Variants in HDC observed in about 807,000 individuals in gnomAD.
HDC encodes the protein histidine decarboxylase.
In HDC, 27 loss-of-function variants were observed where a neutral mutation model predicts 64.4. The ratio of observed to expected loss-of-function variants is 0.42; its 90% CI spans 0.31 to 0.58. HDC has a LOEUF of 0.58. Ranked by LOEUF, HDC falls within the 20% of genes least tolerant of loss-of-function variation. The probability of loss-of-function intolerance (pLI) is 0.16; values close to 1 mark genes in which losing one functional copy is unlikely to be tolerated. For missense variants in HDC, 711 were observed against 833.9 expected (o/e 0.85, Z 1.81); for synonymous variants, 305 against 314.2 (o/e 0.97, Z 0.31).
In HDC at chr15:50,253,103, C is replaced by T. The variant is rs1362844523; in HGVS notation, c.788-329G>A. The T allele has an allele frequency of 9.2e-6, 4 of 433,770 alleles. No individual in the cohort carries two copies. In the Admixed American group the frequency reaches 1.1e-4, roughly 12 times the overall value. The allele number at this position is 433,770 out of a possible 1,614,324, so 26.9% of individuals were successfully genotyped here. ...AGCACAGAGAGCAATGTCAGTGCAC[C>T]GAATACAAAAGTTAGAGGGAAGGTA... On this transcript the variant is annotated intron_variant, in intron 7 of 11. Coordinates refer to ENST00000267845, the MANE Select transcript of HDC (RefSeq NM_002112.4).
intron 4 of HDC, 123 bp from the exon 5 acceptor site, chr15:50,254,787 T>C (rs1161026147): frequency 1.0e-6 from 1 of 962,914 alleles, no homozygotes; most frequent in African/African-American, 1.6e-5. Context: ...TGTGTGTGTA[T>C]GTGTTTGTGT....
intron 4 of HDC, 78 bp from the exon 5 acceptor site, chr15:50,254,742 CTCTCT>C (rs2140936063): frequency 5.0e-6 from 1 of 199,672 alleles, no homozygotes; most frequent in African/African-American, 5.4e-5. Flanking sequence ...AGTTTTTTCT[CTCTCT>C]CTCTCTCTCT....
intron 7 of HDC, 33 bp from the exon 8 acceptor site, chr15:50,252,807 A>C (rs1481031308): frequency 6.3e-7 from 1 of 1,591,568 alleles, no homozygotes; most frequent in Admixed American, 1.8e-5. Context: ...GCCGGAGGGG[A>C]GGTATGAAGT....
In HDC at chr15:50,243,011, T is replaced by G. The variant is rs750126210; in HGVS notation, c.1243-5A>C. ...TTCTGTGAGACAATTAGGACCCTGT[T>G]TGAAAAATAAAGGAAGTGAAGTCTC... On this transcript the variant is annotated splice_region_variant and splice_polypyrimidine_tract_variant and intron_variant, in intron 11 of 11. Transcript: ENST00000267845. The G allele has an allele frequency of 6.2e-7, 1 of 1,614,102 alleles. No individual in the cohort carries two copies. The highest frequency in any genetic ancestry group is 8.5e-7 in the Non-Finnish European group (1 of 1,180,032).
chr15:50,259,097 GC>G (rs2045670419), intron 2 of HDC, among the ~76,000 whole-genome samples: 1 of 151,954 alleles, frequency 6.6e-6, no homozygotes, highest in Non-Finnish European at 1.5e-5. Flanking sequence ...GGGAGGCTGA[GC>G]TTGCAGTGAG....
At chr15:50,257,300 G>T (rs1327188338) in intron 4 of HDC, 125 bp downstream of exon 4, 6 of 1,149,580 alleles carry the variant, frequency 5.2e-6, no homozygotes, top group Non-Finnish European at 6.5e-6. Flanking sequence ...TGGTGCTGTT[G>T]GTGATGACGG....
intron 10 of HDC, chr15:50,244,646 A>T (rs55828351): frequency 0.083 from 12,559 of 152,036 alleles, 721 homozygotes; most frequent in Non-Finnish European, 0.11. Context: ...AGTTTCTCCA[A>T]ATCTTTCTCA....
chr15:50,255,863 C>G (rs1050410419), intron 4 of HDC, among the ~76,000 whole-genome samples: 1 of 152,130 alleles, frequency 6.6e-6, no homozygotes, highest in African/African-American at 2.4e-5. Flanking sequence ...TTACAAAACA[C>G]TTTCTGGCAT....
chr15:50,256,880 C>A (rs1387430956), intron 4 of HDC, among the ~76,000 whole-genome samples: 5 of 152,160 alleles, frequency 3.3e-5, no homozygotes, highest in Non-Finnish European at 7.3e-5. Context: ...GCAAAAGCAC[C>A]TAACAATGTG....
In HDC at chr15:50,265,561, A is replaced by G. The variant is rs1441204719; in HGVS notation, c.31+32T>C. The G allele has an allele frequency of 3.1e-6, 5 of 1,607,002 alleles. No homozygotes were observed. In the African/African-American group the frequency reaches 6.7e-5, roughly 21 times the overall value. On this transcript the variant is annotated intron_variant, in intron 1 of 11. Transcript: ENST00000267845. The stretch of plus-strand genomic sequence containing the variant: ...CAGCCGTTCCTGCAGGAGTAGCAGC[A>G]GGGAAGAGGGCCAGGGATGCCCGTT...
intron 4 of HDC, among the ~76,000 whole-genome samples, chr15:50,255,059 G>A (rs2045613035): frequency 6.6e-6 from 1 of 152,166 alleles, no homozygotes; most frequent in Non-Finnish European, 1.5e-5. Context: ...GAGTCCCCAG[G>A]AAGAGAGGAT....
intron 4 of HDC, among the ~76,000 whole-genome samples, chr15:50,255,077 T>C (rs1402038091): frequency 6.6e-6 from 1 of 152,202 alleles, no homozygotes; most frequent in African/African-American, 2.4e-5. Flanking sequence ...GATCCTGGCC[T>C]GTGTGAGAGG....
At chr15:50,245,455 AGAT>A (rs1385499157) in intron 10 of HDC, among the ~76,000 whole-genome samples, 3 of 152,156 alleles carry the variant, frequency 2.0e-5, no homozygotes, top group African/African-American at 4.8e-5. Flanking sequence ...ATGAAGAAGG[AGAT>A]GATGAAGAAG....
chr15:50,262,559 C>G (rs539194309), intron 2 of HDC, among the ~76,000 whole-genome samples: 3 of 152,334 alleles, frequency 2.0e-5, no homozygotes, highest in Middle Eastern at 6.8e-3. Flanking sequence ...ATGCATCAGC[C>G]AGCTTCCATC....
intron 9 of HDC, among the ~76,000 whole-genome samples, chr15:50,251,209 A>G (rs1201863338): frequency 6.6e-6 from 1 of 152,272 alleles, no homozygotes. Flanking sequence ...GTAAACAGAA[A>G]GCCAGGACTC....
rs1435718526 is a variant in HDC, at chr15:50,257,416, G to A, written c.441+9C>T. Reference sequence around the variant, plus strand: ...CCCAAGCTAGGTGAAGCTTTGCCAAGGGAGGTACCTGCAGGACGCCTCCGC... The same window carrying A: ...CCCAAGCTAGGTGAAGCTTTGCCAAAGGAGGTACCTGCAGGACGCCTCCGC... On this transcript the variant is annotated intron_variant, in intron 4 of 11. Transcript: ENST00000267845. The A allele has an allele frequency of 6.2e-7, 1 of 1,614,186 alleles. No homozygotes were observed. The highest frequency in any genetic ancestry group is 1.3e-5 in the African/African-American group (1 of 75,060).
chr15:50,250,192 C>T (rs756549484), intron 9 of HDC, among the ~76,000 whole-genome samples: 13 of 152,240 alleles, frequency 8.5e-5, no homozygotes, highest in Non-Finnish European at 1.3e-4. Flanking sequence ...TCCTGGGATG[C>T]TGCCCTGTTT....
chr15:50,258,889 G>A (rs980031509), intron 2 of HDC, among the ~76,000 whole-genome samples: 11 of 151,948 alleles, frequency 7.2e-5, no homozygotes, highest in Non-Finnish European at 1.2e-4. Context: ...GGCCGGGTGC[G>A]GTGGCTCATG....
chr15:50,257,318 A>G, intron 4 of HDC, 107 bp downstream of exon 4: 1 of 1,349,672 alleles, frequency 7.4e-7, no homozygotes, highest in Non-Finnish European at 1.1e-6. Flanking sequence ...CGGTGTGGGT[A>G]ATGTGGGGGA....
Sources: gnomAD v4.1 joint callset for allele counts (sites outside exome capture counted in the v4.1 genomes callset) on GRCh38, gnomAD v4.1.1 for gene constraint, MANE v1.5 for transcripts, NCBI Gene and HGNC (gene_info 2026-07-23, HGNC 2026-07-21) for gene names.